Variants in FRMD6 observed in about 807,000 individuals in gnomAD.
FRMD6 encodes FERM domain containing 6.
FRMD6 carries 37 observed loss-of-function variants against 73.2 expected under a neutral mutation model. The observed-to-expected ratio is 0.51, with a 90% CI of 0.39 to 0.66. The LOEUF (loss-of-function observed/expected upper bound fraction) is 0.66. FRMD6 is among the 30% of genes least tolerant of loss of function. FRMD6 has a pLI of 0.00. For synonymous variants in FRMD6, 273 were observed against 282.2 expected (o/e 0.97, Z 0.33); for missense variants, 714 against 780.5 (o/e 0.91, Z 1.02).
At chr14:51,616,882 C>T (rs1162347294) in intron 2 of FRMD6, among the ~76,000 whole-genome samples, 1 of 152,192 alleles carries the variant, frequency 6.6e-6, no homozygotes, top group Non-Finnish European at 1.5e-5. Flanking sequence ...AGCTGAGTAA[C>T]CTAGAGGTGA....
chr14:51,614,504 G>A (rs891833463), intron 2 of FRMD6, among the ~76,000 whole-genome samples: 18 of 152,082 alleles, frequency 1.2e-4, no homozygotes, highest in African/African-American at 4.3e-4. Flanking sequence ...AGAGTTATAT[G>A]CAATATTTTC....
At chr14:51,610,259 C>T (rs1890435294) in intron 2 of FRMD6, among the ~76,000 whole-genome samples, 1 of 151,806 alleles carries the variant, frequency 6.6e-6, no homozygotes, top group Admixed American at 6.6e-5. Flanking sequence ...CCTCCAACCA[C>T]TCCTATCTTC....
chr14:51,530,385 G>C (rs1885513859), intron 1 of FRMD6, among the ~76,000 whole-genome samples: 1 of 152,184 alleles, frequency 6.6e-6, no homozygotes, highest in Non-Finnish European at 1.5e-5. Context: ...TGGTTATGTA[G>C]TCTTAAGAAA....
chr14:51,519,899 T>G (rs1207203329), intron 1 of FRMD6, among the ~76,000 whole-genome samples: 1 of 152,176 alleles, frequency 6.6e-6, no homozygotes, highest in African/African-American at 2.4e-5. Context: ...ATGATTTGAT[T>G]TGGCACTGAA....
At chr14:51,467,533 AAGGGG>A in the FRMD6 span, among the ~76,000 whole-genome samples, 1 of 151,870 alleles carries the variant, frequency 6.6e-6, no homozygotes, top group Non-Finnish European at 1.5e-5. Flanking sequence ...CACTTCCCAG[AAGGGG>A]CGGCCGGGCA....
At chr14:51,664,835 A>G (rs1025979396) in intron 1 of FRMD6, among the ~76,000 whole-genome samples, 4 of 152,164 alleles carry the variant, frequency 2.6e-5, no homozygotes, top group African/African-American at 9.7e-5. Flanking sequence ...GTTACTCTAC[A>G]GTTAGTTAAG....
At chr14:51,667,330 C>T (rs2140210675) in intron 1 of FRMD6, among the ~76,000 whole-genome samples, 1 of 151,850 alleles carries the variant, frequency 6.6e-6, no homozygotes, top group Admixed American at 6.6e-5. Flanking sequence ...ACTTGCAAGC[C>T]CATAACTGAA....
chr14:51,519,204 G>A (rs1458126112), intron 1 of FRMD6, among the ~76,000 whole-genome samples: 2 of 122,578 alleles, frequency 1.6e-5, no homozygotes, highest in Non-Finnish European at 3.1e-5. Flanking sequence ...TCACTCTGTC[G>A]CCCAGGCTGG....
intron 12 of FRMD6, among the ~76,000 whole-genome samples, chr14:51,725,298 G>C (rs931271653): frequency 6.6e-6 from 1 of 152,168 alleles, no homozygotes; most frequent in African/African-American, 2.4e-5. Context: ...CCAGGATCCA[G>C]CCAGATCTAT....
At chr14:51,652,222 G>A (rs1213181307) in intron 1 of FRMD6, 1 of 152,426 alleles carries the variant, frequency 6.6e-6, no homozygotes, top group African/African-American at 2.4e-5. Flanking sequence ...CCGGTGGTAA[G>A]GTCGCTTCTC....
At chr14:51,426,753 A>T in the FRMD6 span, among the ~76,000 whole-genome samples, 4 of 152,144 alleles carry the variant, frequency 2.6e-5, no homozygotes, top group Non-Finnish European at 5.9e-5. Flanking sequence ...CCTAGTGTGG[A>T]GAACTTTCTC....
chr14:51,610,675 A>G (rs1449197781), intron 2 of FRMD6, among the ~76,000 whole-genome samples: 1 of 152,202 alleles, frequency 6.6e-6, no homozygotes, highest in Non-Finnish European at 1.5e-5. Flanking sequence ...CAAAATATTC[A>G]GAGTATGTGG....
intron 2 of FRMD6, among the ~76,000 whole-genome samples, chr14:51,602,851 C>T (rs1890092769): frequency 6.6e-6 from 1 of 152,110 alleles, no homozygotes; most frequent in Non-Finnish European, 1.5e-5. Flanking sequence ...ATATTATTAA[C>T]ATTCAAAGAA....
chr14:51,450,704 A>C, the FRMD6 span, among the ~76,000 whole-genome samples: 1 of 152,198 alleles, frequency 6.6e-6, no homozygotes, highest in Non-Finnish European at 1.5e-5. Flanking sequence ...TTGATATATA[A>C]AAAAATAAAA....
chr14:51,458,437 GC>G, the FRMD6 span, among the ~76,000 whole-genome samples: 1 of 152,100 alleles, frequency 6.6e-6, no homozygotes, highest in African/African-American at 2.4e-5. Context: ...GTGTCTTTAT[GC>G]AGCATTTTAT....
At chr14:51,725,542 G>A (rs1337637323) in intron 12 of FRMD6, among the ~76,000 whole-genome samples, 3 of 152,164 alleles carry the variant, frequency 2.0e-5, no homozygotes, top group Non-Finnish European at 4.4e-5. Flanking sequence ...AGAAAATTCA[G>A]ACTAAACATC....
chr14:51,458,096 A>G, the FRMD6 span, among the ~76,000 whole-genome samples: 7 of 152,170 alleles, frequency 4.6e-5, no homozygotes, highest in Admixed American at 1.3e-4. Flanking sequence ...GAATAACTTG[A>G]TTCCTTTGTT....
chr14:51,445,754 A>C, the FRMD6 span, among the ~76,000 whole-genome samples: 12 of 152,226 alleles, frequency 7.9e-5, no homozygotes, highest in African/African-American at 2.9e-4. Context: ...TAGCACAGAG[A>C]AGGCTCTGTA....
chr14:51,544,309 T>A (rs1886349719), intron 1 of FRMD6, among the ~76,000 whole-genome samples: 4 of 152,192 alleles, frequency 2.6e-5, no homozygotes, highest in Admixed American at 2.6e-4. Context: ...CTGTATTATT[T>A]CTTATGGAGA....
Sources: allele counts gnomAD v4.1 joint callset (sites outside exome capture counted in the v4.1 genomes callset), GRCh38; gene constraint gnomAD v4.1.1; transcripts MANE v1.5; gene names NCBI Gene and HGNC (gene_info 2026-07-23, HGNC 2026-07-21).